ATG3: variants seen among roughly 807,000 people sequenced by gnomAD.
ATG3 encodes the protein autophagy related 3, also known as ubiquitin-like-conjugating enzyme ATG3.
Under a neutral mutation model 50.7 loss-of-function variants are expected in ATG3, and 25 were observed. That is an observed-to-expected ratio of 0.49 (90% CI 0.36 to 0.69). The LOEUF (loss-of-function observed/expected upper bound fraction) is 0.69, where lower values mean the gene tolerates loss of function less well. Ranked by LOEUF, ATG3 falls within the 30% of genes least tolerant of loss-of-function variation. The pLI is 0.00. For missense variants in ATG3, 281 were observed against 376.0 expected (o/e 0.75, Z 2.09); for synonymous variants, 119 against 125.5 (o/e 0.95, Z 0.34).
chr3:112,534,176 T>C (rs906603411), intron 11 of ATG3, 93 bp downstream of exon 11: 2 of 1,528,050 alleles, frequency 1.3e-6, no homozygotes, highest in Non-Finnish European at 1.7e-6. Flanking sequence ...AAACAAGTTA[T>C]AGCTACTGTA....
At chr3:112,550,448 A>G (rs1216594439) in intron 3 of ATG3, among the ~76,000 whole-genome samples, 186 bp from the exon 4 acceptor site, 1 of 152,222 alleles carries the variant, frequency 6.6e-6, no homozygotes, top group Non-Finnish European at 1.5e-5. Flanking sequence ...GCACAACAAT[A>G]ATCTAAGTGA....
Position 112,561,468 on chromosome 3 carries a change from G to T in ATG3, c.61C>A (p.Pro21Thr), listed in dbSNP as rs1933876263. ...CTGGCCTGGCTTACCTTGAGGACCG[G>T]GGTCAGGTACTCAGCCACTTCCAGT... ...KALEVAEYLT[P>T]VLKESKFKET... Residue 21 changes from proline (P) to threonine (T), a missense_variant, in exon 1 of 12, where the codon CCG (proline) becomes ACG (threonine). Transcript: ENST00000283290. 1.2e-6 allele frequency: 2 copies of T among 1,613,430 alleles called. No homozygotes were observed. Among genetic ancestry groups the T allele is most frequent in the African/African-American group, 1.3e-5 (1 of 74,924 alleles).
intron 11 of ATG3, chr3:112,533,688 T>G: frequency 1.0e-6 from 1 of 985,410 alleles, no homozygotes; most frequent in Non-Finnish European, 1.2e-6. Context: ...TATGAGTACA[T>G]GTACTTTAGG....
At chr3:112,546,167 C>A (rs1333055437) in intron 5 of ATG3, among the ~76,000 whole-genome samples, 4 of 150,148 alleles carry the variant, frequency 2.7e-5, no homozygotes, top group African/African-American at 1.0e-4. Flanking sequence ...AAAACAACAA[C>A]AACAAACAAA....
At chr3:112,532,834 G>A (rs1383268744) in intron 11 of ATG3, 54 bp from the exon 12 acceptor site, 6 of 1,502,402 alleles carry the variant, frequency 4.0e-6, no homozygotes, top group African/African-American at 1.4e-5. Flanking sequence ...TATGTTTTAA[G>A]CCCATGTTGT....
chr3:112,543,989 G>T, intron 6 of ATG3, 68 bp downstream of exon 6: 1 of 1,162,056 alleles, frequency 8.6e-7, no homozygotes, highest in Non-Finnish European at 1.3e-6. Flanking sequence ...ATATATGTGT[G>T]TGTATAGATA....
rs1395041877 is a variant in ATG3 at position 112,532,734 on chromosome 3, T to C, written c.910A>G (p.Ile304Val). Residue 304 changes from isoleucine (I) to valine (V), a missense_variant, in exon 12 of 12, where the codon ATA becomes GTA. This residue lies in a region of ATG3 where 242 missense variants were observed against 305.0 expected (regional missense o/e 0.79). Transcript: ENST00000283290. ...LKFVQAVIPT[I>V]EYDYTRHFTM ...AAGTGTCTTGTGTAGTCATATTCTA[T>C]TGTTGGAATGACAGCTTGTACAAAT... is the stretch of plus-strand genomic sequence containing the variant. 2 of 1,600,072 alleles carry C rather than the reference T, an allele frequency of 1.2e-6. No homozygotes were observed. The highest frequency in any genetic ancestry group is 1.3e-5 in the African/African-American group (1 of 74,536).
chr3:112,553,824 T>G (rs927658522), intron 2 of ATG3, among the ~76,000 whole-genome samples: 1 of 152,204 alleles, frequency 6.6e-6, no homozygotes, highest in African/African-American at 2.4e-5. Flanking sequence ...CCTCTTCCTC[T>G]TTTATTATTT....
Position 112,550,202 on chromosome 3 carries a change from T to C in ATG3, c.225A>G (p.Val75=). 1 of 1,610,822 alleles carries C rather than the reference T, an allele frequency of 6.2e-7. No individual in the cohort carries two copies. The part of the protein sequence containing the change: ...AYLPTGKQFL[V]TKNVPCYKRC... ...CAACATAATTCTTACCATTTTTGGT[T>C]ACCAAAAATTGTTTGCCTGTTGGTA... Residue 75 remains valine, a synonymous_variant, in exon 4 of 12, where the codon GTA becomes GTG. Transcript: ENST00000283290.
At chr3:112,537,003 TTATAA>T (rs976280591) in intron 9 of ATG3, among the ~76,000 whole-genome samples, 2 of 150,504 alleles carry the variant, frequency 1.3e-5, no homozygotes, top group East Asian at 2.0e-4. Flanking sequence ...ATCTCAAGGT[TTATAA>T]TATATTTAGT....
intron 6 of ATG3, among the ~76,000 whole-genome samples, chr3:112,542,403 G>C (rs1933257029): frequency 6.6e-6 from 1 of 152,016 alleles, no homozygotes; most frequent in South Asian, 2.1e-4. Flanking sequence ...AACTATATTA[G>C]CTCTAAAGTG....
intron 1 of ATG3, among the ~76,000 whole-genome samples, chr3:112,560,453 T>G (rs3755745): frequency 1.3e-5 from 2 of 152,318 alleles, no homozygotes; most frequent in East Asian, 3.9e-4. Flanking sequence ...TTAAAAAGTA[T>G]AGACCTAGTA....
At position 112,536,286 on chromosome 3, in the gene ATG3, G is replaced by A. The variant is rs1042924770; in HGVS notation, c.794+189C>T. The stretch of plus-strand genomic sequence containing the variant: ...TAACATATTAAACTTAAAACAAATT[G>A]GTAAGTTTTTTTTCCTTTTTCTTAT... On this transcript the variant is annotated intron_variant, in intron 10 of 11. Transcript: ENST00000283290. 6 of 595,838 alleles carry A rather than the reference G, an allele frequency of 1.0e-5. 1 individual carries two copies. In the East Asian group the frequency reaches 1.6e-4, roughly 16 times the overall value. The allele number at this position is 595,838 out of a possible 1,614,324, so 36.9% of individuals were successfully genotyped here.
chr3:112,542,124 T>C (rs954362370), intron 6 of ATG3, among the ~76,000 whole-genome samples: 78 of 135,858 alleles, frequency 5.7e-4, no homozygotes, highest in Non-Finnish European at 9.4e-4. Context: ...AAGAGTCATC[T>C]AAGCTATTTA....
At chr3:112,547,666 CTT>C (rs1933406109) in intron 5 of ATG3, among the ~76,000 whole-genome samples, 1 of 152,270 alleles carries the variant, frequency 6.6e-6, no homozygotes, top group African/African-American at 2.4e-5. Flanking sequence ...CATAGAAACA[CTT>C]ATAAAAACCT....
At chr3:112,546,308 C>T (rs973815203) in intron 5 of ATG3, among the ~76,000 whole-genome samples, 4 of 152,150 alleles carry the variant, frequency 2.6e-5, no homozygotes, top group Non-Finnish European at 5.9e-5. Context: ...CTACGCTGTA[C>T]ATGACAGTCG....
intron 7 of ATG3, 135 bp from the exon 8 acceptor site, chr3:112,538,315 G>A: frequency 1.5e-6 from 1 of 660,014 alleles, no homozygotes. Flanking sequence ...ATATTGAATA[G>A]ATAGATATAA....
chr3:112,537,460 T>A (rs1933101598), intron 9 of ATG3: 1 of 234,222 alleles, frequency 4.3e-6, no homozygotes, highest in African/African-American at 2.3e-5. Context: ...TAAACCAAGT[T>A]AAATTTCCCT....
intron 3 of ATG3, 134 bp downstream of exon 3, chr3:112,553,143 GTTT>G: frequency 1.4e-6 from 1 of 716,386 alleles, no homozygotes; most frequent in East Asian, 2.7e-5. Context: ...AAGGGGCATT[GTTT>G]AACAGAAGAA....
Sources: allele counts gnomAD v4.1 joint callset (sites outside exome capture counted in the v4.1 genomes callset), GRCh38; gene constraint gnomAD v4.1.1; regional missense constraint gnomAD v4.1.1; transcripts MANE v1.5; gene names NCBI Gene and HGNC (gene_info 2026-07-23, HGNC 2026-07-21).